The following RARB variants were observed in gnomAD, a reference collection of about 807,000 sequenced individuals.
RARB encodes retinoic acid receptor beta.
RARB carries 17 observed loss-of-function variants against 51.9 expected under a neutral mutation model. The observed-to-expected ratio is 0.33, with a 90% CI of 0.22 to 0.49. The LOEUF is 0.49. Ranked by LOEUF, RARB falls within the 20% of genes least tolerant of loss-of-function variation. The probability of loss-of-function intolerance (pLI) is 0.99; values close to 1 mark genes in which losing one functional copy is unlikely to be tolerated. For synonymous variants in RARB, 215 were observed against 195.4 expected, an observed-to-expected ratio of 1.10 and a Z score of -0.84; for missense variants, 369 against 550.8, an observed-to-expected ratio of 0.67 and a Z score of 3.30.
At chr3:25,489,087 G>C (rs971599948) in intron 2 of RARB, among the ~76,000 whole-genome samples, 14 of 152,348 alleles carry the variant, frequency 9.2e-5, no homozygotes, top group South Asian at 2.1e-4. Flanking sequence ...TAAGGTCTTT[G>C]AAACAGCAGC....
chr3:24,970,069 G>T (rs1696360653), intron 2 of RARB, among the ~76,000 whole-genome samples: 1 of 152,010 alleles, frequency 6.6e-6, no homozygotes, highest in African/African-American at 2.4e-5. Flanking sequence ...GGGCTATAAG[G>T]TCTCTGATTA....
intron 2 of RARB, among the ~76,000 whole-genome samples, chr3:25,467,662 G>A (rs1240944663): frequency 6.6e-6 from 1 of 152,236 alleles, no homozygotes; most frequent in Admixed American, 6.5e-5. Context: ...CACCTCCTAA[G>A]GGGAGAAGTG....
At chr3:25,228,528 C>T (rs978878928) in intron 5 of RARB, among the ~76,000 whole-genome samples, 2 of 151,818 alleles carry the variant, frequency 1.3e-5, no homozygotes, top group South Asian at 4.2e-4. Context: ...CTTTGATATT[C>T]TTCACACCTA....
chr3:25,128,643 G>A (rs1603972), intron 3 of RARB, among the ~76,000 whole-genome samples: 79,141 of 150,824 alleles, frequency 0.52, 21,153 homozygotes, highest in East Asian at 0.69. Context: ...GCAAGTTAGG[G>A]CACATTATTT....
intron 1 of RARB, among the ~76,000 whole-genome samples, chr3:25,429,715 G>A (rs972209343): frequency 5.3e-5 from 8 of 152,194 alleles, no homozygotes; most frequent in African/African-American, 1.9e-4. Flanking sequence ...ACAGTGCCGA[G>A]GTACGCACCT....
At chr3:24,911,557 G>A (rs1395157857) in intron 2 of RARB, among the ~76,000 whole-genome samples, 2 of 152,050 alleles carry the variant, frequency 1.3e-5, no homozygotes, top group African/African-American at 2.4e-5. Context: ...TTTATTTTTT[G>A]TTTGCTTTTG....
At chr3:25,002,760 GTA>G (rs1043612962) in intron 2 of RARB, among the ~76,000 whole-genome samples, 30 of 144,912 alleles carry the variant, frequency 2.1e-4, no homozygotes, top group South Asian at 8.7e-4. Flanking sequence ...GTGTGTGTGT[GTA>G]TATATATATA....
chr3:25,202,368 A>G (rs1231925096), intron 5 of RARB, among the ~76,000 whole-genome samples: 1 of 150,632 alleles, frequency 6.6e-6, no homozygotes, highest in Non-Finnish European at 1.5e-5. Flanking sequence ...CATTTTGTTG[A>G]TCTTTTCAAA....
rs1696845042 is a variant in RARB at position 24,988,606 on chromosome 3, T to C, written c.-379-71519T>C. Among the ~76,000 whole-genome samples, 3 of 152,270 alleles carry C rather than the reference T, an allele frequency of 2.0e-5. No individual in the cohort carries two copies. In the South Asian group the frequency reaches 6.2e-4, roughly 32 times the overall value. On this transcript the variant is annotated intron_variant, in intron 2 of 11. Coordinates refer to the RARB transcript ENST00000383772. ...GTATAGATTATAAAAAAAATAGTTTTGGTTCTTCTGTTTAAAAATTTTACC... is the reference window on the plus strand; with the variant it reads ...GTATAGATTATAAAAAAAATAGTTTCGGTTCTTCTGTTTAAAAATTTTACC...
At chr3:25,304,002 A>G (rs1209331077) in intron 5 of RARB, among the ~76,000 whole-genome samples, 1 of 152,180 alleles carries the variant, frequency 6.6e-6, no homozygotes, top group Admixed American at 6.5e-5. Context: ...AAAGCTCCAG[A>G]AAAAATGGAA....
intron 5 of RARB, among the ~76,000 whole-genome samples, chr3:25,265,762 A>G (rs994739347): frequency 2.0e-5 from 3 of 152,136 alleles, no homozygotes; most frequent in African/African-American, 2.4e-5. Flanking sequence ...GTGAACCACC[A>G]TGGCTGTCCA....
intron 5 of RARB, among the ~76,000 whole-genome samples, chr3:25,412,790 C>T (rs4681022): frequency 0.19 from 29,430 of 151,996 alleles, 3,220 homozygotes; most frequent in Admixed American, 0.31. Flanking sequence ...GAGGCCGAGG[C>T]GGGCAGATCA....
At chr3:25,571,880 G>A (rs543981169) in intron 4 of RARB, among the ~76,000 whole-genome samples, 20 of 152,300 alleles carry the variant, frequency 1.3e-4, no homozygotes, top group East Asian at 5.8e-4. Flanking sequence ...ATCCAGACAC[G>A]TACCTTCTAC....
intron 2 of RARB, among the ~76,000 whole-genome samples, chr3:24,942,172 C>T (rs1220210358): frequency 6.6e-6 from 1 of 152,290 alleles, no homozygotes; most frequent in East Asian, 1.9e-4. Context: ...AACCAGGTTT[C>T]ATGGTTCCTG....
At chr3:25,356,585 T>C (rs1257674011) in intron 5 of RARB, among the ~76,000 whole-genome samples, 2 of 152,068 alleles carry the variant, frequency 1.3e-5, no homozygotes, top group Non-Finnish European at 2.9e-5. Context: ...TACATAGGTA[T>C]ACATGTGCCA....
At chr3:25,494,253 G>GCACACGCGCGCACTCACACACACA (rs1696900308) in intron 2 of RARB, among the ~76,000 whole-genome samples, 136 of 131,966 alleles carry the variant, frequency 1.0e-3, no homozygotes, top group Middle Eastern at 3.8e-3. Flanking sequence ...TGTATCTTAC[G>GCACACGCGCGCACTCACACACACA]CACACACACA....
chr3:25,475,122 G>C (rs956019144), intron 2 of RARB, among the ~76,000 whole-genome samples: 3 of 152,154 alleles, frequency 2.0e-5, no homozygotes, highest in Admixed American at 6.5e-5. Flanking sequence ...TGCTGTTAGA[G>C]AGTTCACAGG....
At chr3:24,909,487 T>G (rs973001982) in intron 2 of RARB, among the ~76,000 whole-genome samples, 1 of 152,028 alleles carries the variant, frequency 6.6e-6, no homozygotes, top group Non-Finnish European at 1.5e-5. Flanking sequence ...GAGGCCTGTC[T>G]CCTACGTTCC....
intron 2 of RARB, among the ~76,000 whole-genome samples, chr3:25,486,289 A>G (rs1696464981): frequency 6.6e-6 from 1 of 152,226 alleles, no homozygotes; most frequent in African/African-American, 2.4e-5. Context: ...GCTAGAAGGC[A>G]TGTAGAGATC....
Sources: gnomAD v4.1 joint callset for allele counts (sites outside exome capture counted in the v4.1 genomes callset) on GRCh38, gnomAD v4.1.1 for gene constraint, MANE v1.5 for transcripts, NCBI Gene and HGNC (gene_info 2026-07-23, HGNC 2026-07-21) for gene names.